The following ZNF608 variants were observed in gnomAD, a reference collection of about 807,000 sequenced individuals.
ZNF608 encodes zinc finger protein 608.
ZNF608 carries 12 observed loss-of-function variants against 109.0 expected under a neutral mutation model. The observed-to-expected ratio is 0.11, with a 90% CI of 0.07 to 0.18. The LOEUF is 0.18. ZNF608 is among the 10% of genes least tolerant of loss of function. The pLI, the probability that ZNF608 is intolerant of heterozygous loss-of-function variation, is 1.00. For synonymous variants in ZNF608, 732 were observed against 717.4 expected, an observed-to-expected ratio of 1.02 and a Z score of -0.33; for missense variants, 1,707 against 1,879.3, an observed-to-expected ratio of 0.91 and a Z score of 1.70.
chr5:124,683,927 A>G (rs1752302438), intron 3 of ZNF608, among the ~76,000 whole-genome samples: 1 of 152,208 alleles, frequency 6.6e-6, no homozygotes, highest in African/African-American at 2.4e-5. Context: ...GAATCTTATC[A>G]GATAATGTCT....
upstream of ZNF608, chr5:124,748,617 T>C (rs1694080302): frequency 9.3e-6 from 9 of 964,210 alleles, no homozygotes; most frequent in Non-Finnish European, 1.1e-5. Context: ...GAAATTATAA[T>C]CTCTTCAACA....
chr5:124,640,386 C>A (rs536289443), intron 8 of ZNF608, among the ~76,000 whole-genome samples: 1 of 152,124 alleles, frequency 6.6e-6, no homozygotes, highest in Non-Finnish European at 1.5e-5. Context: ...AGAAAGCACA[C>A]GAGGGCTCCC....
intron 3 of ZNF608, among the ~76,000 whole-genome samples, chr5:124,669,935 T>C (rs923914257): frequency 3.3e-5 from 5 of 152,176 alleles, no homozygotes; most frequent in Non-Finnish European, 5.9e-5. Context: ...AAATGGGGAA[T>C]GATAATTTTG....
intron 2 of ZNF608, among the ~76,000 whole-genome samples, chr5:124,721,394 G>A (rs1010213363): frequency 4.5e-4 from 68 of 152,232 alleles, no homozygotes; most frequent in African/African-American, 1.5e-3. Context: ...AGTGCTAGGC[G>A]CTGGGGAGAT....
chr5:124,695,987 C>G (rs187824780), intron 3 of ZNF608, among the ~76,000 whole-genome samples: 92 of 152,150 alleles, frequency 6.0e-4, no homozygotes, highest in African/African-American at 2.2e-3. Context: ...AGTTCGAGAC[C>G]AGCCTGACCA....
At chr5:124,729,830 A>C (rs1309684394) in intron 2 of ZNF608, among the ~76,000 whole-genome samples, 1 of 152,222 alleles carries the variant, frequency 6.6e-6, no homozygotes, top group Non-Finnish European at 1.5e-5. Context: ...CATTCACTAA[A>C]TTAGTCACAG....
chr5:124,693,392 A>G (rs545764671), intron 3 of ZNF608, among the ~76,000 whole-genome samples: 1 of 152,344 alleles, frequency 6.6e-6, no homozygotes, highest in South Asian at 2.1e-4. Flanking sequence ...AATACCACAT[A>G]TACACACAAA....
chr5:124,690,627 C>T (rs1019659468), intron 3 of ZNF608, among the ~76,000 whole-genome samples: 2 of 151,900 alleles, frequency 1.3e-5, no homozygotes, highest in African/African-American at 2.4e-5. Context: ...GCAGGAAGAT[C>T]GCTTGAACCC....
chr5:124,686,181 A>G (rs571203004), intron 3 of ZNF608, among the ~76,000 whole-genome samples: 24 of 152,332 alleles, frequency 1.6e-4, no homozygotes, highest in Admixed American at 6.5e-5. Context: ...TGCAACCAAT[A>G]TAATTTTAAG....
chr5:124,661,877 T>A (rs539229379), intron 3 of ZNF608, among the ~76,000 whole-genome samples: 105 of 152,326 alleles, frequency 6.9e-4, no homozygotes, highest in African/African-American at 2.4e-3. Flanking sequence ...GATATTTGTA[T>A]CTCTTCTAGT....
chr5:124,663,921 A>G (rs1751376812), intron 3 of ZNF608, among the ~76,000 whole-genome samples: 1 of 152,232 alleles, frequency 6.6e-6, no homozygotes, highest in African/African-American at 2.4e-5. Context: ...ATTAGAGAGA[A>G]TTAGATCAAG....
intron 3 of ZNF608, 77 bp downstream of exon 3, chr5:124,700,937 A>C: frequency 6.4e-7 from 1 of 1,563,530 alleles, no homozygotes; most frequent in Non-Finnish European, 8.7e-7. Flanking sequence ...CGCAAAACAA[A>C]TTCTCCTCAC....
At position 124,743,419 on chromosome 5, in the gene ZNF608, CACCAAA is replaced by C. The variant is rs1160592247; in HGVS notation, c.906+659_906+664del. Among the ~76,000 whole-genome samples, 11 of 152,256 alleles carry C rather than the reference CACCAAA, an allele frequency of 7.2e-5. No homozygotes were observed. In the East Asian group the frequency reaches 1.9e-3, roughly 27 times the overall value. Reference sequence around the variant, plus strand: ...GGAACAGGGGTAGAGTGCTAACAGCCACCAAAACCATCGAGTTTTTCTGCAGTTATG... The same window carrying C: ...GGAACAGGGGTAGAGTGCTAACAGCCACCATCGAGTTTTTCTGCAGTTATG... On this transcript the variant is annotated intron_variant, in intron 2 of 9. Transcript: ENST00000513986.
chr5:124,682,411 G>A (rs1319907621), intron 3 of ZNF608, among the ~76,000 whole-genome samples: 1 of 152,204 alleles, frequency 6.6e-6, no homozygotes, highest in African/African-American at 2.4e-5. Context: ...TGGAAAATGT[G>A]CACCACGAAA....
chr5:124,738,159 C>T (rs1033180558), intron 2 of ZNF608, among the ~76,000 whole-genome samples: 1 of 152,198 alleles, frequency 6.6e-6, no homozygotes, highest in Non-Finnish European at 1.5e-5. Flanking sequence ...TACTTACTCT[C>T]TAATGACAGT....
chr5:124,692,448 T>C (rs1018724230), intron 3 of ZNF608, among the ~76,000 whole-genome samples: 1 of 152,218 alleles, frequency 6.6e-6, no homozygotes, highest in Non-Finnish European at 1.5e-5. Flanking sequence ...CACAGCATAG[T>C]GGGGCTGAAA....
Position 124,724,105 on chromosome 5 carries a change from G to A in ZNF608, c.906+19979C>T, listed in dbSNP as rs540942099. Among the ~76,000 whole-genome samples the A allele has an allele frequency of 3.9e-5, 6 of 152,200 alleles. No homozygotes were observed. In the South Asian group the frequency reaches 1.2e-3, roughly 32 times the overall value. ...ATGCAAACGGATGCAATCAAGTTGGGGGGCAATTAAATTTTGAAACACACA... is the reference window on the plus strand; with the variant it reads ...ATGCAAACGGATGCAATCAAGTTGGAGGGCAATTAAATTTTGAAACACACA... On this transcript the variant is annotated intron_variant, in intron 2 of 9. Transcript: ENST00000513986.
At chr5:124,723,314 AGATTTATAATTCATT>A (rs1465754242) in intron 2 of ZNF608, among the ~76,000 whole-genome samples, 1 of 152,148 alleles carries the variant, frequency 6.6e-6, no homozygotes, top group Non-Finnish European at 1.5e-5. Flanking sequence ...CCTTATAGTC[AGATTTATAATTCATT>A]GCCTTTTATG....
chr5:124,747,638 C>A (rs1320963984), upstream of ZNF608, among the ~76,000 whole-genome samples: 17 of 151,648 alleles, frequency 1.1e-4, no homozygotes, highest in Admixed American at 1.1e-3. Flanking sequence ...CCTCCTCCCC[C>A]CGCCCCCCCG....
Sources: allele counts gnomAD v4.1 joint callset (sites outside exome capture counted in the v4.1 genomes callset), GRCh38; gene constraint gnomAD v4.1.1; transcripts MANE v1.5; gene names NCBI Gene and HGNC (gene_info 2026-07-23, HGNC 2026-07-21).